The following DCC variants were observed in gnomAD, a reference collection of about 807,000 sequenced individuals.
DCC encodes DCC netrin 1 receptor.
DCC carries 58 observed loss-of-function variants against 172.5 expected under a neutral mutation model. The observed-to-expected ratio is 0.34, with a 90% CI of 0.27 to 0.42. The LOEUF (loss-of-function observed/expected upper bound fraction) is 0.42. DCC is among the 10% of genes least tolerant of loss of function. The pLI is 1.00. For synonymous variants in DCC, 709 were observed against 644.5 expected (o/e 1.10, Z -1.52); for missense variants, 1,740 against 1,791.0 (o/e 0.97, Z 0.51).
chr18:53,144,378 A>G (rs2043874394), intron 7 of DCC, among the ~76,000 whole-genome samples: 1 of 152,130 alleles, frequency 6.6e-6, no homozygotes, highest in Non-Finnish European at 1.5e-5. Context: ...TTTATAAAGG[A>G]AAGAGGTTTA....
At chr18:52,654,563 T>C (rs1159691861) in intron 1 of DCC, among the ~76,000 whole-genome samples, 1 of 152,164 alleles carries the variant, frequency 6.6e-6, no homozygotes, top group African/African-American at 2.4e-5. Flanking sequence ...AGGGCCTTTT[T>C]GTGTGTTCAT....
intron 5 of DCC, among the ~76,000 whole-genome samples, chr18:52,927,416 C>G (rs1269908461): frequency 1.3e-5 from 2 of 151,832 alleles, no homozygotes; most frequent in Middle Eastern, 3.4e-3. Flanking sequence ...ATTTCCACTA[C>G]AGGCAGTGCA....
At chr18:53,122,413 CA>C (rs1423027373) in intron 7 of DCC, among the ~76,000 whole-genome samples, 1 of 151,988 alleles carries the variant, frequency 6.6e-6, no homozygotes, top group Admixed American at 6.6e-5. Flanking sequence ...TATGTAGATG[CA>C]TAGATAGCCC....
At chr18:52,535,247 T>C (rs903364937) in intron 1 of DCC, among the ~76,000 whole-genome samples, 1 of 152,192 alleles carries the variant, frequency 6.6e-6, no homozygotes, top group African/African-American at 2.4e-5. Context: ...ATCCACTTTC[T>C]GGGTATATTG....
chr18:52,820,188 C>T (rs2038380769), intron 2 of DCC, among the ~76,000 whole-genome samples: 1 of 152,126 alleles, frequency 6.6e-6, no homozygotes, highest in Non-Finnish European at 1.5e-5. Flanking sequence ...GGAAGGTTAA[C>T]AAGCAGAGTA....
In DCC at chr18:52,584,472, T is replaced by G. The variant is rs183106818; in HGVS notation, c.92-167582T>G. On this transcript the variant is annotated intron_variant, in intron 1 of 28. Coordinates refer to ENST00000442544, the MANE Select transcript of DCC (RefSeq NM_005215.4). ...CCAAGCTGATTGAAGCAAAGCCAAC[T>G]GGCTGTTAGTTTGCAGGGACTCTCA... is the stretch of plus-strand genomic sequence containing the variant. Among the ~76,000 whole-genome samples the G allele has an allele frequency of 2.8e-3, 433 of 152,306 alleles. 1 individual carries two copies. Among genetic ancestry groups the G allele is most frequent in the Non-Finnish European group, 4.8e-3 (324 of 68,020 alleles).
At chr18:53,239,547 C>T (rs993998884) in intron 12 of DCC, among the ~76,000 whole-genome samples, 5 of 152,086 alleles carry the variant, frequency 3.3e-5, no homozygotes, top group Admixed American at 6.6e-5. Flanking sequence ...TGAGGGAGAA[C>T]GCACCCAGAG....
intron 1 of DCC, among the ~76,000 whole-genome samples, chr18:52,367,925 C>T (rs1984951119): frequency 6.6e-6 from 1 of 152,180 alleles, no homozygotes; most frequent in African/African-American, 2.4e-5. Flanking sequence ...ATCAGAAAGG[C>T]TTTGTACCTG....
chr18:52,518,305 G>T (rs2031702236), intron 1 of DCC, among the ~76,000 whole-genome samples: 1 of 152,166 alleles, frequency 6.6e-6, no homozygotes, highest in African/African-American at 2.4e-5. Flanking sequence ...TGCTGGGAGG[G>T]GTCAGGGTAG....
At chr18:52,669,762 A>G (rs532835083) in intron 1 of DCC, among the ~76,000 whole-genome samples, 1 of 152,190 alleles carries the variant, frequency 6.6e-6, no homozygotes, top group Non-Finnish European at 1.5e-5. Flanking sequence ...CCCCACCTCC[A>G]TGGGGGTTAC....
intron 1 of DCC, among the ~76,000 whole-genome samples, chr18:52,480,704 G>T (rs2144581868): frequency 6.6e-6 from 1 of 152,214 alleles, no homozygotes; most frequent in African/African-American, 2.4e-5. Context: ...TGTGTTTTCT[G>T]GTTGAATTTG....
chr18:52,911,945 A>G (rs1379681663), intron 3 of DCC, among the ~76,000 whole-genome samples: 1 of 152,022 alleles, frequency 6.6e-6, no homozygotes, highest in African/African-American at 2.4e-5. Context: ...GATGAAGTCC[A>G]TGTTTTCTAG....
chr18:52,495,602 T>C (rs1401524279), intron 1 of DCC, among the ~76,000 whole-genome samples: 1 of 152,166 alleles, frequency 6.6e-6, no homozygotes, highest in East Asian at 1.9e-4. Context: ...TGGTTTGCTA[T>C]ATAGGCTACT....
Position 52,429,622 on chromosome 18 carries a change from C to T in DCC, c.91+88744C>T, listed in dbSNP as rs531333852. ...GCAACAAGGCTTCTCTCACCTGTTT[C>T]AATCAACTAAGCCTAATCTAAAGCA... On this transcript the variant is annotated intron_variant, in intron 1 of 28. Transcript: ENST00000442544. Among the ~76,000 whole-genome samples the T allele has an allele frequency of 1.1e-4, 16 of 152,186 alleles. No homozygotes were observed. In the South Asian group the frequency reaches 3.1e-3, roughly 30 times the overall value.
At chr18:53,277,905 A>G (rs562376333) in intron 12 of DCC, among the ~76,000 whole-genome samples, 1 of 152,306 alleles carries the variant, frequency 6.6e-6, no homozygotes, top group South Asian at 2.1e-4. Flanking sequence ...CCAGGGAAAA[A>G]GAAAATGGCA....
intron 5 of DCC, among the ~76,000 whole-genome samples, chr18:52,963,828 G>GTT (rs199927780): frequency 0.4 from 58,584 of 145,488 alleles, 11,950 homozygotes; most frequent in Non-Finnish European, 0.46. Context: ...ATTATCTCTA[G>GTT]TTTTTTTTTT....
At chr18:52,865,765 T>C (rs950212878) in intron 2 of DCC, among the ~76,000 whole-genome samples, 3 of 152,132 alleles carry the variant, frequency 2.0e-5, no homozygotes, top group South Asian at 4.1e-4. Flanking sequence ...GTCAGACAGA[T>C]AGATTGCAAA....
At chr18:52,792,424 A>G (rs981040680) in intron 2 of DCC, among the ~76,000 whole-genome samples, 1 of 152,212 alleles carries the variant, frequency 6.6e-6, no homozygotes, top group African/African-American at 2.4e-5. Context: ...ACACCCCACC[A>G]GGGTGGTCAG....
intron 1 of DCC, among the ~76,000 whole-genome samples, chr18:52,704,959 C>T (rs1369520604): frequency 1.3e-5 from 2 of 152,124 alleles, no homozygotes; most frequent in African/African-American, 2.4e-5. Context: ...GCCTCTGGTA[C>T]CCTTCATGCA....
Sources: gnomAD v4.1 joint callset for allele counts (sites outside exome capture counted in the v4.1 genomes callset) on GRCh38, gnomAD v4.1.1 for gene constraint, MANE v1.5 for transcripts, NCBI Gene and HGNC (gene_info 2026-07-23, HGNC 2026-07-21) for gene names.